The following PRMT8 variants were observed in gnomAD, a reference collection of about 807,000 sequenced individuals.
PRMT8 encodes the protein protein arginine N-methyltransferase 8.
Under a neutral mutation model 47.1 loss-of-function variants are expected in PRMT8, and 7 were observed. The observed-to-expected ratio is 0.15, with a 90% confidence interval of 0.08 to 0.28. PRMT8 has a LOEUF of 0.28. Ranked by LOEUF, PRMT8 falls within the 10% of genes least tolerant of loss-of-function variation. PRMT8 has a pLI of 1.00. For missense variants in PRMT8, 237 were observed against 505.4 expected (o/e 0.47, Z 5.09); for synonymous variants, 188 against 186.5 (o/e 1.01, Z -0.07).
chr12:3,525,395 G>C (rs1865938006), intron 1 of PRMT8, among the ~76,000 whole-genome samples: 1 of 152,162 alleles, frequency 6.6e-6, no homozygotes, highest in African/African-American at 2.4e-5. Context: ...GAGGATACAG[G>C]AGTTTGAGGA....
intron 4 of PRMT8, among the ~76,000 whole-genome samples, chr12:3,553,954 A>G (rs1866476431): frequency 1.3e-5 from 2 of 152,112 alleles, no homozygotes; most frequent in Admixed American, 1.3e-4. Flanking sequence ...TTGTAGCTAA[A>G]TCCCGAGTTG....
rs3782747 is a variant in PRMT8 at position 3,566,824 on chromosome 12, A to T, written c.482-1882A>T. Among the ~76,000 whole-genome samples the T allele has an allele frequency of 2.6e-3, 393 of 152,322 alleles. 3 individuals are homozygous for T. The East Asian group carries it at 0.051, about 20-fold the overall frequency. On this transcript the variant is annotated intron_variant, in intron 4 of 9. Coordinates refer to ENST00000382622, the MANE Select transcript of PRMT8 (RefSeq NM_019854.5). The surrounding 1 kb of genome is among the most constrained non-coding windows in gnomAD (Gnocchi z 4.7). ...AGTTTTTTTCAGAGGATATTGCAGA[A>T]TGAGAGTTTCAGAGCATGAATATAT...
At chr12:3,519,112 A>G (rs1463764986) in intron 1 of PRMT8, among the ~76,000 whole-genome samples, 2 of 152,308 alleles carry the variant, frequency 1.3e-5, no homozygotes, top group East Asian at 3.9e-4. Flanking sequence ...TCATTTTGGC[A>G]GAACTGTCCG....
At chr12:3,540,293 A>C (rs1451947202) in intron 1 of PRMT8, among the ~76,000 whole-genome samples, 1 of 152,196 alleles carries the variant, frequency 6.6e-6, no homozygotes, top group East Asian at 1.9e-4. Flanking sequence ...CTTCAAAGGA[A>C]GATACTATTT....
At chr12:3,389,888 C>T (rs1175801304) in intron 1 of PRMT8, among the ~76,000 whole-genome samples, 1 of 152,230 alleles carries the variant, frequency 6.6e-6, no homozygotes, top group African/African-American at 2.4e-5. Context: ...TGGGGGGATT[C>T]TAAAGGGACC....
intron 1 of PRMT8, among the ~76,000 whole-genome samples, chr12:3,452,393 A>ACTATAGGCATGTGCCATCATGCCCAGCT (rs1864928838): frequency 6.6e-6 from 1 of 152,174 alleles, no homozygotes; most frequent in African/African-American, 2.4e-5. Context: ...AGAGCACAGG[A>ACTATAGGCATGTGCCATCATGCCCAGCT]AACTTTAGAA....
intron 1 of PRMT8, among the ~76,000 whole-genome samples, chr12:3,383,583 A>G (rs1591534308): frequency 6.6e-6 from 1 of 152,316 alleles, no homozygotes; most frequent in East Asian, 1.9e-4. Flanking sequence ...GAGTTTGTTC[A>G]CTTGGACACA....
rs150791393 is a variant in PRMT8 at position 3,391,300 on chromosome 12, C to G, written c.48+9858C>G. Among the ~76,000 whole-genome samples the G allele has an allele frequency of 1.1e-3, 175 of 152,294 alleles. 1 individual carries two copies. The highest frequency in any genetic ancestry group is 4.1e-3 in the African/African-American group (169 of 41,562). The stretch of plus-strand genomic sequence containing the variant: ...AACGCACAGTGCATACAACAGAATA[C>G]ATGCTTAGGAAGGTAGATATGAAGG... On this transcript the variant is annotated intron_variant, in intron 1 of 9. Transcript: ENST00000452611.
chr12:3,488,716 C>T (rs1865344744), upstream of PRMT8, among the ~76,000 whole-genome samples: 1 of 152,168 alleles, frequency 6.6e-6, no homozygotes, highest in Admixed American at 6.5e-5. Context: ...AAAGACTATG[C>T]TAATATATTT....
At chr12:3,543,556 CA>C (rs1866270690) in intron 2 of PRMT8, among the ~76,000 whole-genome samples, 1 of 152,178 alleles carries the variant, frequency 6.6e-6, no homozygotes, top group Non-Finnish European at 1.5e-5. Flanking sequence ...GATTAATAGC[CA>C]TCAGTGAGTG....
At chr12:3,524,642 T>TAAA (rs34644466) in intron 1 of PRMT8, among the ~76,000 whole-genome samples, 3 of 89,276 alleles carry the variant, frequency 3.4e-5, no homozygotes, top group Admixed American at 1.1e-4. Flanking sequence ...CAAGACAATC[T>TAAA]AAAAAAAAAA....
intron 1 of PRMT8, among the ~76,000 whole-genome samples, chr12:3,524,999 GA>G (rs1200212436): frequency 1.3e-5 from 2 of 152,114 alleles, no homozygotes; most frequent in Non-Finnish European, 2.9e-5. Context: ...GAGGCGGGTG[GA>G]TCACCTGAGG....
At chr12:3,490,673 CAA>C (rs1491567613), upstream of PRMT8, among the ~76,000 whole-genome samples, 2 of 65,172 alleles carry the variant, frequency 3.1e-5, no homozygotes, top group South Asian at 7.0e-4. Context: ...GCTTTGGGTA[CAA>C]AGAGAGAGAG....
At chr12:3,442,284 AT>A (rs1864811173) in intron 1 of PRMT8, among the ~76,000 whole-genome samples, 1 of 152,150 alleles carries the variant, frequency 6.6e-6, no homozygotes, top group African/African-American at 2.4e-5. Context: ...GGTGGCTGTT[AT>A]TTTTTCTTTT....
intron 4 of PRMT8, 70 bp downstream of exon 4, chr12:3,553,784 G>T (rs1591599353): frequency 7.1e-7 from 1 of 1,407,270 alleles, no homozygotes; most frequent in East Asian, 2.3e-5. Context: ...TTGTTGGGAT[G>T]GCATAGCGGG....
chr12:3,493,181 C>T lies in PRMT8; in HGVS notation c.75+1481C>T, dbSNP rs1214595732. On this transcript the variant is annotated intron_variant, in intron 1 of 9. Coordinates refer to ENST00000382622, the MANE Select transcript of PRMT8 (RefSeq NM_019854.5). This position sits in a 1 kb window ranked among gnomAD's most constrained non-coding sequence, Gnocchi z 8.2. ...CGAATGCTGTCTCCTTGAGTTAGGG[C>T]AAAGCCTGCGTGCCCGCCGTCCCCT... 1.3e-5 allele frequency among the ~76,000 whole-genome samples: 2 copies of T among 152,194 alleles called. No individual in the cohort carries two copies. Among genetic ancestry groups the T allele is most frequent in the Non-Finnish European group, 2.9e-5 (2 of 68,036 alleles).
At chr12:3,414,958 A>T (rs1864469391) in intron 1 of PRMT8, among the ~76,000 whole-genome samples, 1 of 152,082 alleles carries the variant, frequency 6.6e-6, no homozygotes, top group South Asian at 2.1e-4. Context: ...CAGAAAAACC[A>T]GGTCAGCTGT....
At chr12:3,467,725 G>A (rs1249405407) in intron 1 of PRMT8, among the ~76,000 whole-genome samples, 4 of 152,240 alleles carry the variant, frequency 2.6e-5, no homozygotes, top group Non-Finnish European at 5.9e-5. Context: ...TTCTCAGAAG[G>A]CTAGAAAGCA....
chr12:3,435,212 G>A (rs559747407), intron 1 of PRMT8, among the ~76,000 whole-genome samples: 77 of 151,854 alleles, frequency 5.1e-4, no homozygotes, highest in Non-Finnish European at 9.7e-4. Flanking sequence ...CAGGTGATCC[G>A]CCCACCTCTG....
Sources: allele counts gnomAD v4.1 joint callset (sites outside exome capture counted in the v4.1 genomes callset), GRCh38; gene constraint gnomAD v4.1.1; non-coding constraint Gnocchi (gnomAD v3.1); transcripts MANE v1.5; gene names NCBI Gene and HGNC (gene_info 2026-07-23, HGNC 2026-07-21).